Variants in GNA14 observed in about 807,000 individuals in gnomAD.
GNA14 encodes guanine nucleotide-binding protein subunit alpha-14.
A neutral mutation model predicts 42.0 loss-of-function variants in GNA14; 50 were observed. The ratio of observed to expected loss-of-function variants is 1.19; its 90% CI spans 0.95 to 1.51. The LOEUF is 1.51. GNA14 is among the 40% of genes most tolerant of loss of function. The pLI is 0.00. For synonymous variants in GNA14, 173 were observed against 163.1 expected, an observed-to-expected ratio of 1.06 and a Z score of -0.46; for missense variants, 473 against 446.2, an observed-to-expected ratio of 1.06 and a Z score of -0.54.
chr9:77,438,235 A>C (rs1234703603), intron 2 of GNA14, among the ~76,000 whole-genome samples: 2 of 151,926 alleles, frequency 1.3e-5, no homozygotes, highest in Non-Finnish European at 1.5e-5. Context: ...TCAAGTTCGG[A>C]GGTCACTACC....
intron 1 of GNA14, among the ~76,000 whole-genome samples, chr9:77,603,654 A>G (rs771135787): frequency 7.2e-5 from 11 of 152,006 alleles, no homozygotes; most frequent in Non-Finnish European, 1.6e-4. Flanking sequence ...GGCAGCCAGC[A>G]ATGTGTCACG....
intron 2 of GNA14, among the ~76,000 whole-genome samples, chr9:77,525,288 C>T (rs1385085567): frequency 6.6e-6 from 1 of 152,166 alleles, no homozygotes; most frequent in Non-Finnish European, 1.5e-5. Flanking sequence ...CCTAGACCCA[C>T]AGTAGAACCA....
At chr9:77,437,754 AC>A (rs1372340791) in intron 2 of GNA14, among the ~76,000 whole-genome samples, 2 of 152,210 alleles carry the variant, frequency 1.3e-5, no homozygotes, top group Admixed American at 1.3e-4. Context: ...CGCCTCCATC[AC>A]CCAGAGCTCC....
intron 2 of GNA14, among the ~76,000 whole-genome samples, chr9:77,477,593 A>G (rs1456008057): frequency 6.6e-6 from 1 of 152,188 alleles, no homozygotes; most frequent in Non-Finnish European, 1.5e-5. Context: ...ATCCTCTTTT[A>G]TAGTGCCTTG....
intron 2 of GNA14, among the ~76,000 whole-genome samples, chr9:77,497,008 C>T (rs1279370734): frequency 6.6e-6 from 1 of 152,166 alleles, no homozygotes; most frequent in East Asian, 1.9e-4. Context: ...TCCTCTTTCC[C>T]TCCAGAGGTA....
At chr9:77,496,065 C>CG (rs1316566324) in intron 2 of GNA14, among the ~76,000 whole-genome samples, 1 of 152,048 alleles carries the variant, frequency 6.6e-6, no homozygotes, top group Non-Finnish European at 1.5e-5. Context: ...GGAGATGCAC[C>CG]GGGGGAGGTA....
rs573123970 is a variant in GNA14 at position 77,566,142 on chromosome 9, C to T, written c.125-36889G>A. 2.3e-4 allele frequency among the ~76,000 whole-genome samples: 32 copies of T among 136,938 alleles called. No individual in the cohort carries two copies. The South Asian group carries it at 6.5e-3, about 28-fold the overall frequency. The allele number at this position is 136,938 out of a possible 152,430, so 89.8% of individuals were successfully genotyped here. On this transcript the variant is annotated intron_variant, in intron 1 of 6. Coordinates refer to ENST00000341700, the MANE Select transcript of GNA14 (RefSeq NM_004297.4). ...AAATCCTTGTCCACAAGTGGGAGTGCTTCTTTTTTTTTTTTTTTTTTTTTT... is the reference window on the plus strand; with the variant it reads ...AAATCCTTGTCCACAAGTGGGAGTGTTTCTTTTTTTTTTTTTTTTTTTTTT...
chr9:77,530,222 T>C (rs1299739549), intron 1 of GNA14, among the ~76,000 whole-genome samples: 1 of 152,186 alleles, frequency 6.6e-6, no homozygotes, highest in Admixed American at 6.5e-5. Context: ...TTCTCATGAA[T>C]GGTTTAGCAC....
intron 1 of GNA14, among the ~76,000 whole-genome samples, chr9:77,644,465 GAC>G (rs1174438213): frequency 2.8e-5 from 2 of 71,492 alleles, no homozygotes; most frequent in African/African-American, 1.3e-4. Context: ...AAAAAAAAAA[GAC>G]ACAGGAATGT....
At chr9:77,536,345 GTT>G (rs151254985) in intron 1 of GNA14, among the ~76,000 whole-genome samples, 1 of 150,568 alleles carries the variant, frequency 6.6e-6, no homozygotes, top group Non-Finnish European at 1.5e-5. Flanking sequence ...TTTTTGTTAG[GTT>G]TTTTTTGTGT....
intron 3 of GNA14, chr9:77,431,786 C>T (rs893476000): frequency 4.5e-6 from 1 of 219,980 alleles, no homozygotes; most frequent in African/African-American, 2.2e-5. Context: ...TGGCTCTCTC[C>T]AACACCCCAT....
At chr9:77,564,833 T>C (rs1822941261) in intron 1 of GNA14, among the ~76,000 whole-genome samples, 1 of 82,494 alleles carries the variant, frequency 1.2e-5, no homozygotes, top group African/African-American at 4.2e-5. Context: ...AATCTGTCTA[T>C]TAAAAAAAAA....
Position 77,647,697 on chromosome 9 carries a change from G to T in GNA14, c.97C>A (p.Arg33Ser). 6.2e-7 allele frequency: 1 copy of T among 1,610,098 alleles called. No individual in the cohort carries two copies. Among genetic ancestry groups the T allele is most frequent in the Admixed American group, 1.7e-5 (1 of 59,546 alleles). ...AGCAGCAGCAGCTTAAGCTCACGGC[G>T]CGCGTCCTTCTTGTCCCGACGAAGC... ...RQLRRDKKDARRELKLLLLGT... is the reference protein window; with the variant it reads ...RQLRRDKKDASRELKLLLLGT... The change falls in exon 1 of 7, where the codon CGC becomes AGC. Residue 33 changes from arginine (R) to serine (S), a missense_variant. By Grantham distance (110) the Arg-to-Ser change is moderately radical (BLOSUM62 -1). Transcript: ENST00000341700.
chr9:77,570,750 C>A (rs1823047349), intron 1 of GNA14, among the ~76,000 whole-genome samples: 1 of 152,088 alleles, frequency 6.6e-6, no homozygotes, highest in Non-Finnish European at 1.5e-5. Flanking sequence ...TAGGTGTATA[C>A]CTAGGAGTAA....
rs114381745 is a variant in GNA14 at position 77,604,942 on chromosome 9, G to A, written c.124+42728C>T. Among the ~76,000 whole-genome samples, 1,161 of 152,164 alleles carry A rather than the reference G, an allele frequency of 7.6e-3. 8 individuals are homozygous for A. Among genetic ancestry groups the A allele is most frequent in the African/African-American group, 0.026 (1,071 of 41,488 alleles). Reference sequence around the variant, plus strand: ...GTTTCCACTTTTTCTTACCACCCTCGTGCCATGTCACAGAAATTCATTCAA... The same window carrying A: ...GTTTCCACTTTTTCTTACCACCCTCATGCCATGTCACAGAAATTCATTCAA... On this transcript the variant is annotated intron_variant, in intron 1 of 6. Coordinates refer to ENST00000341700, the MANE Select transcript of GNA14 (RefSeq NM_004297.4).
At chr9:77,618,614 A>G (rs1270556639) in intron 1 of GNA14, among the ~76,000 whole-genome samples, 2 of 11,084 alleles carry the variant, frequency 1.8e-4, no homozygotes, top group Non-Finnish European at 3.2e-4. Context: ...ATATATATAT[A>G]TATATATTTT....
At chr9:77,467,955 T>C (rs1288250305) in intron 2 of GNA14, among the ~76,000 whole-genome samples, 1 of 152,190 alleles carries the variant, frequency 6.6e-6, no homozygotes, top group Admixed American at 6.5e-5. Context: ...TATGTCTGAA[T>C]CAAAGCCCTT....
In GNA14 at chr9:77,431,330, A is replaced by G. The variant is rs769417405; in HGVS notation, c.584T>C (p.Ile195Thr). ...AGGGAGACAGACTTACCGAAAGATG[A>G]TGTTTTCCAAGTCAAATGGATACTC... ...IIEYPFDLENIIFRMVDVGGQ... is the reference protein window; with the variant it reads ...IIEYPFDLENTIFRMVDVGGQ... Residue 195 changes from isoleucine (I) to threonine (T), a missense_variant, in exon 4 of 7, where the codon ATC (isoleucine) becomes ACC (threonine). Physicochemically the swap from Ile to Thr is moderately conservative, Grantham distance 89 (BLOSUM62 -1). Coordinates refer to ENST00000341700, the MANE Select transcript of GNA14 (RefSeq NM_004297.4). 42 of 1,613,560 alleles carry G rather than the reference A, an allele frequency of 2.6e-5. No homozygotes were observed. Among genetic ancestry groups the G allele is most frequent in the Non-Finnish European group, 3.5e-5 (41 of 1,179,696 alleles).
At chr9:77,576,446 G>A (rs1307915035) in intron 1 of GNA14, among the ~76,000 whole-genome samples, 1 of 152,134 alleles carries the variant, frequency 6.6e-6, no homozygotes, top group Non-Finnish European at 1.5e-5. Context: ...TAAGAAGATA[G>A]AGTGACTTTT....
Sources: gnomAD v4.1 joint callset for allele counts (sites outside exome capture counted in the v4.1 genomes callset) on GRCh38, gnomAD v4.1.1 for gene constraint, MANE v1.5 for transcripts, NCBI Gene and HGNC (gene_info 2026-07-23, HGNC 2026-07-21) for gene names.